The following DEPDC1B variants were observed in gnomAD, a reference collection of about 807,000 sequenced individuals.
The protein encoded by DEPDC1B is DEP domain containing 1B, also known as DEP domain-containing protein 1B.
A neutral mutation model predicts 66.5 loss-of-function variants in DEPDC1B; 51 were observed. The ratio of observed to expected loss-of-function variants is 0.77; its 90% CI spans 0.61 to 0.97. DEPDC1B has a LOEUF of 0.97. Among genes scored for constraint, DEPDC1B ranks in the 50% least tolerant of loss-of-function variants. The pLI is 0.00. For synonymous variants in DEPDC1B, 226 were observed against 223.6 expected, an observed-to-expected ratio of 1.01 and a Z score of -0.10; for missense variants, 552 against 637.1, an observed-to-expected ratio of 0.87 and a Z score of 1.44.
chr5:60,694,849 A>G (rs1754620040), intron 1 of DEPDC1B, among the ~76,000 whole-genome samples: 2 of 152,240 alleles, frequency 1.3e-5, no homozygotes, highest in African/African-American at 4.8e-5. Context: ...TGATGAATAT[A>G]GAATATTAAA....
chr5:60,664,741 C>T (rs760137171), intron 2 of DEPDC1B, among the ~76,000 whole-genome samples: 2 of 152,052 alleles, frequency 1.3e-5, no homozygotes, highest in Non-Finnish European at 2.9e-5. Flanking sequence ...CAGGAACTAG[C>T]GCTCAGGTGG....
chr5:60,623,062 T>C lies in DEPDC1B; in HGVS notation c.898+15688A>G, dbSNP rs1309087549. On this transcript the variant is annotated intron_variant, in intron 7 of 10. Coordinates refer to ENST00000265036, the MANE Select transcript of DEPDC1B (RefSeq NM_018369.3). ...CTAGGAACTAAGATATCTTTGTCTA[T>C]GCAAAATTGCAAGAATTTTTCTCCT... 4.6e-5 allele frequency among the ~76,000 whole-genome samples: 7 copies of C among 152,314 alleles called. No homozygotes were observed. The South Asian group carries it at 8.3e-4, about 18-fold the overall frequency.
At chr5:60,642,728 T>C in intron 6 of DEPDC1B, 84 bp downstream of exon 6, 1 of 974,628 alleles carries the variant, frequency 1.0e-6, no homozygotes, top group Non-Finnish European at 1.6e-6. Flanking sequence ...ACATCAATGT[T>C]CAGGCCATTG....
chr5:60,603,316 G>GC (rs1389257892), intron 9 of DEPDC1B, 75 bp downstream of exon 9: 8 of 1,335,844 alleles, frequency 6.0e-6, no homozygotes, highest in Non-Finnish European at 6.9e-6. Context: ...ATAATAAAAT[G>GC]CCCCAAGAAG....
At chr5:60,681,816 A>G (rs975287881) in intron 2 of DEPDC1B, among the ~76,000 whole-genome samples, 1 of 151,936 alleles carries the variant, frequency 6.6e-6, no homozygotes, top group African/African-American at 2.4e-5. Context: ...AGGTCTCACT[A>G]TGCTGCCCTA....
At chr5:60,681,781 T>C (rs1754301468) in intron 2 of DEPDC1B, among the ~76,000 whole-genome samples, 3 of 151,520 alleles carry the variant, frequency 2.0e-5, no homozygotes, top group Non-Finnish European at 4.4e-5. Flanking sequence ...ATGATCTGAA[T>C]TATAATTTTT....
intron 2 of DEPDC1B, among the ~76,000 whole-genome samples, chr5:60,649,875 G>A (rs1340799583): frequency 6.6e-6 from 1 of 152,074 alleles, no homozygotes; most frequent in Non-Finnish European, 1.5e-5. Context: ...TCAGGTTCAA[G>A]CAATCCTCCT....
Position 60,690,645 on chromosome 5 carries a change from C to T in DEPDC1B, c.49-3418G>A, listed in dbSNP as rs376382526. Among the ~76,000 whole-genome samples the T allele has an allele frequency of 1.4e-4, 21 of 152,204 alleles. No homozygotes were observed. The South Asian group carries it at 2.5e-3, about 18-fold the overall frequency. ...TTCAAGTCTGTCACTTTATAAACTC[C>T]GAATCTTTTGTCTCTCACCTCTCTT... On this transcript the variant is annotated intron_variant, in intron 1 of 10. Transcript: ENST00000265036.
chr5:60,698,630 A>G (rs1331994635), intron 1 of DEPDC1B, among the ~76,000 whole-genome samples: 1 of 152,150 alleles, frequency 6.6e-6, no homozygotes, highest in Non-Finnish European at 1.5e-5. Flanking sequence ...TCTTTATGCC[A>G]AATAAAACAA....
rs1426298706 is a variant in DEPDC1B at position 60,698,122 on chromosome 5, A to G, written c.48+1924T>C. Among the ~76,000 whole-genome samples, 4 of 152,188 alleles carry G rather than the reference A, an allele frequency of 2.6e-5. No homozygotes were observed. In the East Asian group the frequency reaches 5.8e-4, roughly 22 times the overall value. The stretch of plus-strand genomic sequence containing the variant: ...TTCCTTGTGTAAGTGCTGTAAATAA[A>G]TTGGTGAAGGGAATGATCAAATGCC... On this transcript the variant is annotated intron_variant, in intron 1 of 10. Coordinates refer to ENST00000265036, the MANE Select transcript of DEPDC1B (RefSeq NM_018369.3).
intron 1 of DEPDC1B, among the ~76,000 whole-genome samples, chr5:60,699,454 A>AAAAAAC (rs1554056866): frequency 5.3e-5 from 8 of 150,796 alleles, no homozygotes; most frequent in Non-Finnish European, 8.9e-5. Flanking sequence ...AAAAAAAAAA[A>AAAAAAC]AAAAAAAACA....
chr5:60,633,478 T>G (rs1406713022), intron 7 of DEPDC1B, among the ~76,000 whole-genome samples: 1 of 152,204 alleles, frequency 6.6e-6, no homozygotes, highest in Non-Finnish European at 1.5e-5. Flanking sequence ...AGAGTAGCTG[T>G]AGGCAAGTAC....
At chr5:60,617,623 G>C (rs373766552) in intron 7 of DEPDC1B, among the ~76,000 whole-genome samples, 10 of 152,134 alleles carry the variant, frequency 6.6e-5, no homozygotes, top group South Asian at 2.1e-4. Context: ...TACAGGAGCA[G>C]CCAGATTCAT....
At chr5:60,630,164 T>C (rs1245290502) in intron 7 of DEPDC1B, among the ~76,000 whole-genome samples, 1 of 152,268 alleles carries the variant, frequency 6.6e-6, no homozygotes, top group Non-Finnish European at 1.5e-5. Context: ...TTTATATGAA[T>C]ATCCAGTTTT....
intron 2 of DEPDC1B, among the ~76,000 whole-genome samples, chr5:60,676,545 T>C (rs1474472703): frequency 6.6e-6 from 1 of 152,234 alleles, no homozygotes; most frequent in Admixed American, 6.5e-5. Context: ...AATGTATCCC[T>C]CATGATTTCC....
intron 2 of DEPDC1B, among the ~76,000 whole-genome samples, chr5:60,681,871 G>A (rs1222552226): frequency 1.3e-5 from 2 of 151,096 alleles, no homozygotes; most frequent in Non-Finnish European, 1.5e-5. Flanking sequence ...TCACCTCCTG[G>A]GTAGCTGGGG....
At chr5:60,672,247 G>A (rs1754058267) in intron 2 of DEPDC1B, among the ~76,000 whole-genome samples, 2 of 152,174 alleles carry the variant, frequency 1.3e-5, no homozygotes, top group South Asian at 2.1e-4. Flanking sequence ...CAATTTGAGC[G>A]CAAGTTACAG....
At chr5:60,651,774 T>C (rs1389499512) in intron 2 of DEPDC1B, among the ~76,000 whole-genome samples, 1 of 152,138 alleles carries the variant, frequency 6.6e-6, no homozygotes, top group Non-Finnish European at 1.5e-5. Context: ...AAAATCTGTG[T>C]TGCACAGTGG....
intron 7 of DEPDC1B, among the ~76,000 whole-genome samples, chr5:60,615,430 A>T (rs938644906): frequency 6.6e-6 from 1 of 152,164 alleles, no homozygotes; most frequent in African/African-American, 2.4e-5. Context: ...CACCTGGAAA[A>T]TCGGGTCACT....
Sources: gnomAD v4.1 joint callset for allele counts (sites outside exome capture counted in the v4.1 genomes callset) on GRCh38, gnomAD v4.1.1 for gene constraint, MANE v1.5 for transcripts, NCBI Gene and HGNC (gene_info 2026-07-23, HGNC 2026-07-21) for gene names.